The following FDPS variants were observed in gnomAD, a reference collection of about 807,000 sequenced individuals.
FDPS encodes the protein farnesyl diphosphate synthase, also known as farnesyl pyrophosphate synthase.
A neutral mutation model predicts 49.5 loss-of-function variants in FDPS; 29 were observed. The observed-to-expected ratio is 0.59, with a 90% CI of 0.44 to 0.80. The LOEUF is 0.80. Ranked by LOEUF, FDPS falls within the 30% of genes least tolerant of loss-of-function variation. The probability of loss-of-function intolerance (pLI) is 0.00; values close to 1 mark genes in which losing one functional copy is unlikely to be tolerated. For missense variants in FDPS, 414 were observed against 525.6 expected (o/e 0.79, Z 2.08); for synonymous variants, 172 against 206.4 (o/e 0.83, Z 1.43).
rs541865097 is a variant in FDPS, at chr1:155,319,638, G to A, written c.874G>A (p.Ala292Thr). 10 of 1,614,196 alleles carry A rather than the reference G, an allele frequency of 6.2e-6. No homozygotes were observed. The highest frequency in any genetic ancestry group is 3.3e-5 in the Admixed American group (2 of 60,030). ...MAGIDGEKEH[A>T]NAKKILLEMG... The stretch of plus-strand genomic sequence containing the variant: ...AGGAATTGATGGCGAGAAGGAGCAC[G>A]CCAATGCCAAGAAGATCCTGCTGGA... The change falls in exon 9 of 11, where the codon GCC (alanine) becomes ACC (threonine). Residue 292 changes from alanine (A) to threonine (T), a missense_variant. Ala to Thr is a moderately conservative substitution (Grantham distance 58). Transcript: ENST00000368356.
At chr1:155,320,028 T>A in intron 10 of FDPS, 100 bp downstream of exon 10, 1 of 1,383,784 alleles carries the variant, frequency 7.2e-7, no homozygotes, top group Non-Finnish European at 1.0e-6. Context: ...CATTTGGCAA[T>A]GTCAGCAGAC....
intron 1 of FDPS, 163 bp from the exon 2 acceptor site, chr1:155,309,626 C>T (rs1459915101): frequency 5.1e-6 from 3 of 587,236 alleles, no homozygotes; most frequent in Non-Finnish European, 8.6e-6. Flanking sequence ...TTGTTCCCTG[C>T]GTATCCTTCC....
intron 8 of FDPS, 109 bp downstream of exon 8, chr1:155,319,037 C>A: frequency 1.2e-6 from 1 of 812,820 alleles, no homozygotes; most frequent in Non-Finnish European, 2.1e-6. Flanking sequence ...AACTGTGTGA[C>A]CTTGAGCAAG....
chr1:155,311,748 G>A (rs1648818095), intron 3 of FDPS, among the ~76,000 whole-genome samples: 1 of 152,124 alleles, frequency 6.6e-6, no homozygotes, highest in Non-Finnish European at 1.5e-5. Context: ...CAAGGCGGGT[G>A]GATGACTTGA....
chr1:155,309,946 G>A lies in FDPS; in HGVS notation c.157G>A (p.Ala53Thr), dbSNP rs1237474942. The A allele has an allele frequency of 1.2e-6, 2 of 1,607,096 alleles. No homozygotes were observed. Among genetic ancestry groups the A allele is most frequent in the Non-Finnish European group, 1.7e-6 (2 of 1,175,010 alleles). ...GCACAGTGCCCGCTGCTGGTGCCAAGCGTGGACAGAGGAACCTCGGTGAGT... is the reference window on the plus strand; with the variant it reads ...GCACAGTGCCCGCTGCTGGTGCCAAACGTGGACAGAGGAACCTCGGTGAGT... ...AWHSARCWCQ[A>T]WTEEPRALCS... Residue 53 changes from alanine (A) to threonine (T), a missense_variant, in exon 2 of 11, where the codon GCG (alanine) becomes ACG (threonine). Ala to Thr is a moderately conservative substitution (Grantham distance 58). Transcript: ENST00000368356.
intron 4 of FDPS, chr1:155,317,466 C>T (rs533924230): frequency 6.5e-6 from 1 of 154,482 alleles, no homozygotes; most frequent in Non-Finnish European, 1.4e-5. Flanking sequence ...CATGTTATGT[C>T]ACTTTCCAAG....
rs1249219496 is a variant in FDPS, at chr1:155,320,554, T to C, written c.1205T>C (p.Leu402Pro). 2.5e-6 allele frequency: 4 copies of C among 1,614,072 alleles called. No individual in the cohort carries two copies. Among genetic ancestry groups the C allele is most frequent in the East Asian group, 4.5e-5 (2 of 44,888 alleles). ...CTCATTGAACAGTACGCAGCACCCCTGCCCCCAGCCGTCTTTCTGGGGCTT... is the reference window on the plus strand; with the variant it reads ...CTCATTGAACAGTACGCAGCACCCCCGCCCCCAGCCGTCTTTCTGGGGCTT... ...MALIEQYAAP[L>P]PPAVFLGLAR... The change falls in exon 11 of 11, where the codon CTG becomes CCG. Residue 402 changes from leucine to proline, a missense_variant. Transcript: ENST00000368356.
intron 4 of FDPS, 190 bp downstream of exon 4, chr1:155,312,585 G>A (rs1648913758): frequency 1.6e-6 from 1 of 608,946 alleles, no homozygotes; most frequent in Non-Finnish European, 2.9e-6. Context: ...TTGGCATTAG[G>A]TATGAAGATG....
rs1436027185 is a variant in FDPS, at chr1:155,318,244, T to C, written c.637T>C (p.Cys213Arg). 6.2e-7 allele frequency: 1 copy of C among 1,613,756 alleles called. No individual in the cohort carries two copies. Residue 213 changes from cysteine to arginine, a missense_variant, in exon 6 of 11, where the codon TGC (cysteine) becomes CGC (arginine). Physicochemically the swap from Cys to Arg is radical, Grantham distance 180. Coordinates refer to ENST00000368356, the MANE Select transcript of FDPS (RefSeq NM_002004.4). The surrounding 1 kb of genome is among the most constrained non-coding windows in gnomAD (Gnocchi z 4.2). ...ACIYRLLKLY[C>R]REQPYYLNLI... ...TATCTACCGCCTGCTGAAGCTCTAT[T>C]GCCGGGAGCAGCCCTATTACCTGAA...
intron 4 of FDPS, among the ~76,000 whole-genome samples, chr1:155,314,874 G>A (rs1649157194): frequency 6.6e-6 from 1 of 152,024 alleles, no homozygotes; most frequent in Non-Finnish European, 1.5e-5. Flanking sequence ...GGAGGCCATG[G>A]AATTAATTAT....
At chr1:155,319,468 A>G (rs749447338) in intron 8 of FDPS, 143 bp from the exon 9 acceptor site, 239 of 800,800 alleles carry the variant, frequency 3.0e-4, no homozygotes, top group Admixed American at 4.7e-4. Context: ...ATCAGTCAGG[A>G]CTGTCTAGGT....
chr1:155,310,015 G>T (rs373353982), intron 2 of FDPS, 28 bp from the exon 3 acceptor site: 11 of 1,612,538 alleles, frequency 6.8e-6, no homozygotes, highest in Admixed American at 5.0e-5. Flanking sequence ...AGCTGATCAG[G>T]TTTCTGACTT....
rs1174260450 is a variant in FDPS at position 155,320,647 on chromosome 1, T to A, written c.*38T>A. 1 of 1,606,754 alleles carries A rather than the reference T, an allele frequency of 6.2e-7. No homozygotes were observed. The highest frequency in any genetic ancestry group is 8.5e-7 in the Non-Finnish European group (1 of 1,173,510). On this transcript the variant is annotated 3_prime_UTR_variant, in exon 11 of 11. Transcript: ENST00000368356. ...AAGGGCGGGGAGAGGAGGCTCTCAA[T>A]AAATAATCGTGTAACCTTCTTGTGG...
chr1:155,314,827 G>C (rs1026348838), intron 4 of FDPS, among the ~76,000 whole-genome samples: 1 of 151,706 alleles, frequency 6.6e-6, no homozygotes, highest in Middle Eastern at 3.2e-3. Flanking sequence ...GTGCTGGTGG[G>C]GTTAAGAATC....
intron 3 of FDPS, among the ~76,000 whole-genome samples, chr1:155,310,820 G>A (rs1390938810): frequency 6.6e-6 from 1 of 152,190 alleles, no homozygotes; most frequent in African/African-American, 2.4e-5. Context: ...AGAGACCGGG[G>A]AAGAAGGCAG....
At chr1:155,317,351 G>A (rs1343431927) in intron 4 of FDPS, 1 of 152,388 alleles carries the variant, frequency 6.6e-6, no homozygotes, top group Non-Finnish European at 1.5e-5. Context: ...CCTGACACCA[G>A]GAATAATCTA....
chr1:155,316,180 G>A (rs1572089929), intron 4 of FDPS, among the ~76,000 whole-genome samples: 1 of 151,266 alleles, frequency 6.6e-6, no homozygotes, highest in South Asian at 2.1e-4. Flanking sequence ...GCGTGAACCC[G>A]GGAGGCGGAG....
intron 4 of FDPS, 175 bp from the exon 5 acceptor site, chr1:155,317,766 C>A: frequency 3.5e-6 from 2 of 569,294 alleles, no homozygotes; most frequent in Non-Finnish European, 6.2e-6. Context: ...ATCACTTGAG[C>A]CTGGGAGTTA....
chr1:155,315,223 G>A (rs975562681), intron 4 of FDPS, among the ~76,000 whole-genome samples: 5 of 152,210 alleles, frequency 3.3e-5, no homozygotes, highest in Non-Finnish European at 7.3e-5. Context: ...ACAGCACACA[G>A]GATTAGGATG....
Sources: gnomAD v4.1 joint callset for allele counts (sites outside exome capture counted in the v4.1 genomes callset) on GRCh38, gnomAD v4.1.1 for gene constraint, Gnocchi (gnomAD v3.1) non-coding constraint, MANE v1.5 for transcripts, NCBI Gene and HGNC (gene_info 2026-07-23, HGNC 2026-07-21) for gene names.